Variants in CEP41 observed in about 807,000 individuals in gnomAD.
The protein encoded by CEP41 is centrosomal protein 41, also known as centrosomal protein of 41 kDa.
In CEP41, 32 loss-of-function variants were observed where a neutral mutation model predicts 44.3. The ratio of observed to expected loss-of-function variants is 0.72; its 90% CI spans 0.54 to 0.97. The LOEUF (loss-of-function observed/expected upper bound fraction) is 0.97, where lower values mean the gene tolerates loss of function less well. Among genes scored for constraint, CEP41 ranks in the 50% least tolerant of loss-of-function variants. CEP41 has a pLI of 0.00. For missense variants in CEP41, 432 were observed against 455.2 expected (o/e 0.95, Z 0.46); for synonymous variants, 151 against 168.5 (o/e 0.90, Z 0.80).
At chr7:130,412,871 T>G (rs1189304268) in intron 3 of CEP41, among the ~76,000 whole-genome samples, 1 of 152,238 alleles carries the variant, frequency 6.6e-6, no homozygotes, top group Non-Finnish European at 1.5e-5. Context: ...CTACTTAGTT[T>G]CGCAAGATGA....
Position 130,396,710 on chromosome 7 carries a change from T to G in CEP41, c.*2181A>C, listed in dbSNP as rs1554414740. 1 of 454,524 alleles carries G rather than the reference T, an allele frequency of 2.2e-6. No homozygotes were observed. Among genetic ancestry groups the G allele is most frequent in the South Asian group, 1.6e-5 (1 of 64,466 alleles). 28.2% of individuals were successfully genotyped at this position (454,524 alleles called of 1,614,324 possible). On this transcript the variant is annotated 3_prime_UTR_variant, in exon 11 of 11. Coordinates refer to ENST00000223208, the MANE Select transcript of CEP41 (RefSeq NM_018718.3). ...AACACTTAACATGCAAAACGCAGAT[T>G]AGAACAGCTCTTTTGAGCATGGTTA... is the stretch of plus-strand genomic sequence containing the variant.
chr7:130,431,544 A>C (rs1797821581), intron 1 of CEP41, among the ~76,000 whole-genome samples: 1 of 152,154 alleles, frequency 6.6e-6, no homozygotes, highest in Non-Finnish European at 1.5e-5. Flanking sequence ...TGACAAAAGC[A>C]CATCAGATTG....
chr7:130,412,957 C>T lies in CEP41; in HGVS notation c.146-717G>A, dbSNP rs1224836566. Among the ~76,000 whole-genome samples, 17 of 152,186 alleles carry T rather than the reference C, an allele frequency of 1.1e-4. 1 individual carries two copies. The highest frequency in any genetic ancestry group is 4.4e-5 in the Non-Finnish European group (3 of 68,034). ...TGACCTGTACACTTAAAAACCATTA[C>T]GATGGTAGGTGTTATGTGTTCTTGT... On this transcript the variant is annotated intron_variant, in intron 3 of 10. Coordinates refer to ENST00000223208, the MANE Select transcript of CEP41 (RefSeq NM_018718.3).
rs1406812974 is a variant in CEP41, at chr7:130,402,870, C to T, written c.423-71G>A. On this transcript the variant is annotated intron_variant, in intron 6 of 10. Transcript: ENST00000223208. ...GGCTTAAAGGTCGAACGTGTCTCTT[C>T]AGAATAGTGAGGTGAGTGCTCAATG... 2.7e-6 allele frequency: 4 copies of T among 1,488,322 alleles called. No individual in the cohort carries two copies. In the African/African-American group the frequency reaches 4.1e-5, roughly 15 times the overall value. The allele number at this position is 1,488,322 out of a possible 1,614,324, so 92.2% of individuals were successfully genotyped here. A position where few individuals can be genotyped will look rare whatever the true frequency, so the allele number is the denominator to read the frequency against.
intron 1 of CEP41, among the ~76,000 whole-genome samples, chr7:130,431,207 C>T (rs141209266): frequency 2.6e-5 from 4 of 152,064 alleles, no homozygotes; most frequent in Admixed American, 6.6e-5. Context: ...AAAATTCTTG[C>T]TTTGTGGGGT....
intron 10 of CEP41, 109 bp from the exon 11 acceptor site, chr7:130,399,148 T>C: frequency 7.3e-7 from 1 of 1,378,078 alleles, no homozygotes; most frequent in Non-Finnish European, 1.0e-6. Context: ...ACTTTTAAGC[T>C]AATGAAGTCC....
intron 2 of CEP41, chr7:130,422,008 C>T (rs1554422330): frequency 6.5e-7 from 1 of 1,535,672 alleles, no homozygotes; most frequent in Non-Finnish European, 8.7e-7. Flanking sequence ...ACACAGGCAC[C>T]TATGGAACAA....
At chr7:130,422,106 G>A in intron 2 of CEP41, 1 of 1,405,230 alleles carries the variant, frequency 7.1e-7, no homozygotes, top group Admixed American at 2.2e-5. Flanking sequence ...CAGAGCCAGA[G>A]GTATAAAAAC....
In CEP41 at chr7:130,394,658, G is replaced by C; in HGVS notation, c.*4233C>G. The C allele has an allele frequency of 2.2e-6, 1 of 454,070 alleles. No individual in the cohort carries two copies. Among genetic ancestry groups the C allele is most frequent in the Non-Finnish European group, 4.4e-6 (1 of 226,760 alleles). The allele number at this position is 454,070 out of a possible 1,614,324, so 28.1% of individuals were successfully genotyped here. On this transcript the variant is annotated 3_prime_UTR_variant, in exon 11 of 11. Coordinates refer to ENST00000223208, the MANE Select transcript of CEP41 (RefSeq NM_018718.3). Reference sequence around the variant, plus strand: ...GGCAGGATACACAAGGGGGACAGAAGATAACGAGCTTTCTGGGTCTCCAGA... The same window carrying C: ...GGCAGGATACACAAGGGGGACAGAACATAACGAGCTTTCTGGGTCTCCAGA...
intron 1 of CEP41, among the ~76,000 whole-genome samples, chr7:130,431,805 G>A (rs1170118631): frequency 6.6e-6 from 1 of 152,192 alleles, no homozygotes; most frequent in East Asian, 1.9e-4. Flanking sequence ...TGGAGAGGCA[G>A]CAGGGGCAGA....
chr7:130,419,547 A>G (rs1554421637), intron 2 of CEP41: 1 of 984,500 alleles, frequency 1.0e-6, no homozygotes, highest in East Asian at 1.1e-4. Flanking sequence ...CATACAAAAG[A>G]AGCCTAAAAG....
In CEP41 at chr7:130,440,939, G is replaced by C. The variant is rs149373377; in HGVS notation, c.28C>G (p.Pro10Ala). 1.1e-5 allele frequency: 18 copies of C among 1,612,508 alleles called. No homozygotes were observed. In the East Asian group the frequency reaches 2.7e-4, roughly 24 times the overall value. ...GGCCGAGACCTGGCCCTCACCTCAG[G>C]GTTCCCAATGTGCCTCCGGAGGGAC... The part of the protein sequence containing the change: MSLRRHIGN[P>A]EYLMKRIPQN... Residue 10 changes from proline (P) to alanine (A), a missense_variant, in exon 1 of 11, where the codon CCT (proline) becomes GCT (alanine). By Grantham distance (27) the Pro-to-Ala change is conservative. Transcript: ENST00000223208.
rs781793746 is a variant in CEP41, at chr7:130,416,962, G to C, written c.102C>G (p.Asn34Lys). The stretch of plus-strand genomic sequence containing the variant: ...GCTTCTCAGTATATTTAGTCATACT[G>C]TTACCTAAAAAGAAAATAAGGGGTT... The part of the protein sequence containing the change: ...QHIKSRLDTG[N>K]SMTKYTEKLE... The change falls in exon 3 of 11, where the codon AAC (asparagine) becomes AAG (lysine). Residue 34 changes from asparagine to lysine, a missense_variant. By Grantham distance (94) the Asn-to-Lys change is moderately conservative. Coordinates refer to ENST00000223208, the MANE Select transcript of CEP41 (RefSeq NM_018718.3). 1.3e-6 allele frequency: 2 copies of C among 1,573,736 alleles called. No homozygotes were observed. The highest frequency in any genetic ancestry group is 4.5e-5 in the East Asian group (2 of 44,716).
Position 130,395,384 on chromosome 7 carries a change from G to A in CEP41, c.*3507C>T, listed in dbSNP as rs149385617. On this transcript the variant is annotated 3_prime_UTR_variant, in exon 11 of 11. Coordinates refer to ENST00000223208, the MANE Select transcript of CEP41 (RefSeq NM_018718.3). Reference sequence around the variant, plus strand: ...CTGGGGAAAAAAAAGTATCGTGGGAGTTAAATCTTTGAAAGAATTGGGAAG... The same window carrying A: ...CTGGGGAAAAAAAAGTATCGTGGGAATTAAATCTTTGAAAGAATTGGGAAG... 0.015 allele frequency: 6,693 copies of A among 454,018 alleles called. 87 individuals are homozygous for A. Among genetic ancestry groups the A allele is most frequent in the Middle Eastern group, 0.027 (39 of 1,444 alleles). The allele number at this position is 454,018 out of a possible 1,614,324, so 28.1% of individuals were successfully genotyped here.
rs189344678 is a variant in CEP41, at chr7:130,427,878, C to T, written c.97+77G>A. On this transcript the variant is annotated intron_variant, in intron 2 of 10. Coordinates refer to ENST00000223208, the MANE Select transcript of CEP41 (RefSeq NM_018718.3). ...AGAAACTTTTAGCTGTGATTTATAC[C>T]AGATATGTGGGGTTGCTTTCTGTCA... 5.3e-5 allele frequency: 49 copies of T among 920,556 alleles called. No homozygotes were observed. The Admixed American group carries it at 6.7e-4, about 13-fold the overall frequency. The allele number at this position is 920,556 out of a possible 1,614,324, so 57.0% of individuals were successfully genotyped here.
At chr7:130,423,189 C>T (rs1554422649) in intron 2 of CEP41, among the ~76,000 whole-genome samples, 2 of 152,304 alleles carry the variant, frequency 1.3e-5, no homozygotes, top group East Asian at 3.9e-4. Flanking sequence ...CTAAGGCAAT[C>T]CACCTGCCTC....
At chr7:130,430,583 T>A (rs933357480) in intron 1 of CEP41, among the ~76,000 whole-genome samples, 7 of 152,080 alleles carry the variant, frequency 4.6e-5, no homozygotes, top group Non-Finnish European at 1.0e-4. Context: ...CATACAAAGA[T>A]TGAAAAGCCA....
Position 130,397,372 on chromosome 7 carries a change from T to C in CEP41, c.*1519A>G, listed in dbSNP as rs1554415130. The C allele has an allele frequency of 1.5e-5, 7 of 454,290 alleles. No homozygotes were observed. In the Admixed American group the frequency reaches 1.6e-4, roughly 11 times the overall value. The allele number at this position is 454,290 out of a possible 1,614,324, so 28.1% of individuals were successfully genotyped here. On this transcript the variant is annotated 3_prime_UTR_variant, in exon 11 of 11. Coordinates refer to ENST00000223208, the MANE Select transcript of CEP41 (RefSeq NM_018718.3). ...AAAATGTTGCACTTTGGAAATCAAG[T>C]AGAGAAGAATAAACACACTCTAAAA...
chr7:130,440,676 T>G (rs1798122373), intron 1 of CEP41: 1 of 601,650 alleles, frequency 1.7e-6, no homozygotes, highest in African/African-American at 1.9e-5. Context: ...GGGCTGTGTC[T>G]TTGGGTACTT....
Sources: gnomAD v4.1 joint callset for allele counts (sites outside exome capture counted in the v4.1 genomes callset) on GRCh38, gnomAD v4.1.1 for gene constraint, MANE v1.5 for transcripts, NCBI Gene and HGNC (gene_info 2026-07-23, HGNC 2026-07-21) for gene names.